Variants in CERS6 observed in about 807,000 individuals in gnomAD.
CERS6 encodes LAG1 homolog, ceramide synthase 6.
In CERS6, 26 loss-of-function variants were observed where a neutral mutation model predicts 56.8. The ratio of observed to expected loss-of-function variants is 0.46; its 90% CI spans 0.34 to 0.63. The LOEUF is 0.63. CERS6 is among the 30% of genes least tolerant of loss of function. The probability of loss-of-function intolerance (pLI) is 0.01; values close to 1 mark genes in which losing one functional copy is unlikely to be tolerated. For missense variants in CERS6, 415 were observed against 467.5 expected, an observed-to-expected ratio of 0.89 and a Z score of 1.04; for synonymous variants, 164 against 173.3, an observed-to-expected ratio of 0.95 and a Z score of 0.42.
At chr2:168,532,485 C>A (rs1362848805) in intron 1 of CERS6, among the ~76,000 whole-genome samples, 1 of 151,474 alleles carries the variant, frequency 6.6e-6, no homozygotes, top group Non-Finnish European at 1.5e-5. Context: ...CCTTTTTTTT[C>A]TATCTGTACA....
chr2:168,748,614 T>C (rs1007174210), intron 8 of CERS6, among the ~76,000 whole-genome samples: 2 of 152,162 alleles, frequency 1.3e-5, no homozygotes, highest in African/African-American at 2.4e-5. Flanking sequence ...TTGTATTTCT[T>C]TCTTCCTCAG....
chr2:168,497,264 G>T (rs1340156721), intron 1 of CERS6, among the ~76,000 whole-genome samples: 6 of 152,160 alleles, frequency 3.9e-5, no homozygotes, highest in African/African-American at 1.4e-4. Context: ...GAATTAACTT[G>T]GATTTTCAAA....
chr2:168,609,051 C>T (rs1219879625), intron 3 of CERS6, among the ~76,000 whole-genome samples: 1 of 152,212 alleles, frequency 6.6e-6, no homozygotes, highest in Non-Finnish European at 1.5e-5. Context: ...CCAGGTTTAC[C>T]TGCTGCCTGT....
At chr2:168,714,860 A>G in intron 6 of CERS6, 141 bp from the exon 7 acceptor site, 1 of 679,816 alleles carries the variant, frequency 1.5e-6, no homozygotes, top group East Asian at 3.0e-5. Context: ...GGAGGATAAG[A>G]ATTATACGTT....
rs1383048607 is a variant in CERS6 at position 168,694,979 on chromosome 2, C to G, written c.537C>G (p.His179Gln). Reference sequence around the variant, plus strand: ...TTCAGCCACTCACAACTGACCTTCACTACTATTACATCCTGGAGCTGTCGT... The same window carrying G: ...TTCAGCCACTCACAACTGACCTTCAGTACTATTACATCCTGGAGCTGTCGT... ...YPYQPLTTDL[H>Q]YYYILELSFY... Residue 179 changes from histidine to glutamine, a missense_variant, in exon 6 of 10, where the codon CAC becomes CAG. Transcript: ENST00000305747. 6 of 1,613,430 alleles carry G rather than the reference C, an allele frequency of 3.7e-6. No individual in the cohort carries two copies. The highest frequency in any genetic ancestry group is 4.2e-6 in the Non-Finnish European group (5 of 1,179,522).
rs1341419578 is a variant in CERS6 at position 168,456,527 on chromosome 2, A to T, written c.79A>T (p.Thr27Ser). The change falls in exon 1 of 10, where the codon ACG (threonine) becomes TCG (serine). Residue 27 changes from threonine (T) to serine (S), a missense_variant. Physicochemically the swap from Thr to Ser is moderately conservative, Grantham distance 58 (BLOSUM62 1). Coordinates refer to ENST00000305747, the MANE Select transcript of CERS6 (RefSeq NM_203463.3). The surrounding 1 kb of genome is among the most constrained non-coding windows in gnomAD (Gnocchi z 4.1). ...TGTCACCTGGGCGGACCTGAAGAACACGGAGGAGGCCACCTTCCCGCAGGC... is the reference window on the plus strand; with the variant it reads ...TGTCACCTGGGCGGACCTGAAGAACTCGGAGGAGGCCACCTTCCCGCAGGC... ...HNVTWADLKN[T>S]EEATFPQAED... 6 of 1,614,060 alleles carry T rather than the reference A, an allele frequency of 3.7e-6. No individual in the cohort carries two copies. Among genetic ancestry groups the T allele is most frequent in the Non-Finnish European group, 5.1e-6 (6 of 1,179,924 alleles).
chr2:168,577,762 T>G (rs745762450), intron 3 of CERS6, among the ~76,000 whole-genome samples: 1 of 151,962 alleles, frequency 6.6e-6, no homozygotes, highest in Non-Finnish European at 1.5e-5. Context: ...CCCAGTGAAA[T>G]AGGAAATGGG....
intron 3 of CERS6, among the ~76,000 whole-genome samples, chr2:168,574,368 TTTTGTGTGTGTGTGTGTGTG>T (rs1305378024): frequency 8.3e-6 from 1 of 120,152 alleles, no homozygotes; most frequent in Non-Finnish European, 1.7e-5. Flanking sequence ...GCTCAATAAG[TTTTGTGTGTGTGTGTGTGTG>T]TGTGTGTGTG....
chr2:168,758,620 T>C (rs1036822358), intron 8 of CERS6, among the ~76,000 whole-genome samples: 2 of 152,258 alleles, frequency 1.3e-5, no homozygotes, highest in Non-Finnish European at 2.9e-5. Context: ...TATCGTCTTA[T>C]TACCATTATG....
intron 6 of CERS6, among the ~76,000 whole-genome samples, chr2:168,709,609 A>T (rs1202848058): frequency 6.6e-6 from 1 of 152,178 alleles, no homozygotes; most frequent in Admixed American, 6.5e-5. Context: ...TTATGAATAA[A>T]GGCTTTGGCA....
intron 4 of CERS6, among the ~76,000 whole-genome samples, chr2:168,659,485 A>G (rs191407192): frequency 7.7e-4 from 117 of 152,304 alleles, no homozygotes; most frequent in Admixed American, 2.1e-3. Flanking sequence ...TGTTCATCAG[A>G]TTACTTTTTT....
At chr2:168,499,448 G>A (rs1318999103) in intron 1 of CERS6, among the ~76,000 whole-genome samples, 2 of 152,160 alleles carry the variant, frequency 1.3e-5, no homozygotes, top group East Asian at 1.9e-4. Flanking sequence ...CCACACTTAC[G>A]ACAAGGGTTT....
At chr2:168,584,180 A>G (rs1215013661) in intron 3 of CERS6, among the ~76,000 whole-genome samples, 2 of 152,222 alleles carry the variant, frequency 1.3e-5, no homozygotes, top group Admixed American at 1.3e-4. Flanking sequence ...TTCTCCAAAG[A>G]TGCAGGTATT....
intron 1 of CERS6, among the ~76,000 whole-genome samples, chr2:168,470,212 CAAAAAAA>C (rs752453936): frequency 7.6e-5 from 8 of 105,664 alleles, no homozygotes; most frequent in Admixed American, 1.1e-4. Context: ...CCAACTCTAC[CAAAAAAA>C]AAAAAAAAAA....
chr2:168,526,908 C>T lies in CERS6; in HGVS notation c.171-20688C>T, dbSNP rs1695081556. On this transcript the variant is annotated intron_variant, in intron 1 of 9. Transcript: ENST00000305747. ...TAAAAAGCAAGTGAAGATAGATGCC[C>T]AGTTGGCAGGAGCATCCCCAGATTG... Among the ~76,000 whole-genome samples, 6 of 152,232 alleles carry T rather than the reference C, an allele frequency of 3.9e-5. No individual in the cohort carries two copies. The South Asian group carries it at 1.0e-3, about 26-fold the overall frequency.
At chr2:168,590,393 T>C (rs191889347) in intron 3 of CERS6, among the ~76,000 whole-genome samples, 54 of 152,296 alleles carry the variant, frequency 3.5e-4, no homozygotes, top group Non-Finnish European at 6.3e-4. Flanking sequence ...TGAAATAAAC[T>C]ATCAGACTTA....
intron 3 of CERS6, among the ~76,000 whole-genome samples, chr2:168,600,397 G>T (rs1208565692): frequency 6.6e-6 from 1 of 151,938 alleles, no homozygotes; most frequent in Non-Finnish European, 1.5e-5. Flanking sequence ...GTAGAGACGG[G>T]GTTTCACCCT....
intron 8 of CERS6, among the ~76,000 whole-genome samples, chr2:168,755,533 C>T (rs1684390617): frequency 6.6e-6 from 1 of 152,118 alleles, no homozygotes; most frequent in African/African-American, 2.4e-5. Context: ...AATAACCATG[C>T]CCCCACCCCA....
At chr2:168,740,979 G>T (rs1683881241) in intron 8 of CERS6, among the ~76,000 whole-genome samples, 1 of 152,178 alleles carries the variant, frequency 6.6e-6, no homozygotes, top group South Asian at 2.1e-4. Flanking sequence ...ATTGGTTATG[G>T]AGGGGATGGG....
Sources: gnomAD v4.1 joint callset for allele counts (sites outside exome capture counted in the v4.1 genomes callset) on GRCh38, gnomAD v4.1.1 for gene constraint, Gnocchi (gnomAD v3.1) non-coding constraint, MANE v1.5 for transcripts, NCBI Gene and HGNC (gene_info 2026-07-23, HGNC 2026-07-21) for gene names.